RPIA: variants seen among roughly 807,000 people sequenced by gnomAD.
RPIA encodes the protein ribose 5-phosphate isomerase A.
Under a neutral mutation model 37.8 loss-of-function variants are expected in RPIA, and 29 were observed. That is an observed-to-expected ratio of 0.77 (90% CI 0.57 to 1.05). RPIA has a LOEUF of 1.05. RPIA is among the 50% of genes least tolerant of loss of function. The pLI is 0.00. For synonymous variants in RPIA, 167 were observed against 157.0 expected, an observed-to-expected ratio of 1.06 and a Z score of -0.48; for missense variants, 385 against 413.6, an observed-to-expected ratio of 0.93 and a Z score of 0.60.
At chr2:88,743,497 C>CT (rs1558701208) in intron 8 of RPIA, among the ~76,000 whole-genome samples, 1 of 152,116 alleles carries the variant, frequency 6.6e-6, no homozygotes, top group African/African-American at 2.4e-5. Context: ...CTGTAGTTTT[C>CT]TTTTTTTGTT....
intron 3 of RPIA, 76 bp downstream of exon 3, chr2:88,700,140 C>A: frequency 7.2e-7 from 1 of 1,396,568 alleles, no homozygotes; most frequent in Non-Finnish European, 1.0e-6. Flanking sequence ...GGACCTATGG[C>A]CTTGTCTTGT....
In RPIA at chr2:88,700,022, G is replaced by A. The variant is rs1672809248; in HGVS notation, c.360G>A (p.Lys120=). 1 of 1,614,218 alleles carries A rather than the reference G, an allele frequency of 6.2e-7. No homozygotes were observed. Among genetic ancestry groups the A allele is most frequent in the South Asian group, 1.1e-5 (1 of 91,086 alleles). The change falls in exon 3 of 9, where the codon AAG becomes AAA. Residue 120 remains lysine, a synonymous_variant. Coordinates refer to ENST00000283646, the MANE Select transcript of RPIA (RefSeq NM_144563.3). The part of the protein sequence containing the change: ...HAVQRIAERV[K]QENLNLVCIP... The stretch of plus-strand genomic sequence containing the variant: ...TTGTTTCCACAGCTGAAAGGGTGAA[G>A]CAAGAGAATCTGAACCTCGTCTGTA...
intron 3 of RPIA, among the ~76,000 whole-genome samples, chr2:88,723,161 A>C (rs894016511): frequency 3.9e-5 from 6 of 152,202 alleles, no homozygotes; most frequent in African/African-American, 1.4e-4. Flanking sequence ...CAACAATAAA[A>C]ACCCTAACAA....
Position 88,691,962 on chromosome 2 carries a change from G to T in RPIA, c.264G>T (p.Ala88=). ...AGGCCAAGAAGCTGGCGGGCCGCGCGGCTGTGGAGAACCACGTGAGGGTGA... is the reference window on the plus strand; with the variant it reads ...AGGCCAAGAAGCTGGCGGGCCGCGCTGCTGTGGAGAACCACGTGAGGGTGA... ...AEEAKKLAGR[A]AVENHVRNNQ... is the part of the protein sequence containing the mutation. The change falls in exon 1 of 9, where the codon GCG becomes GCT. Residue 88 remains alanine, a synonymous_variant. Transcript: ENST00000283646. The T allele has an allele frequency of 1.3e-6, 2 of 1,591,306 alleles. No homozygotes were observed. The highest frequency in any genetic ancestry group is 8.5e-7 in the Non-Finnish European group (1 of 1,170,098).
intron 2 of RPIA, 61 bp from the exon 3 acceptor site, chr2:88,699,948 A>G (rs1020006877): frequency 4.5e-6 from 7 of 1,558,304 alleles, no homozygotes; most frequent in South Asian, 4.4e-5. Flanking sequence ...GCAAACACAT[A>G]TGACAAGAAG....
At chr2:88,705,998 G>T (rs2104084941) in intron 3 of RPIA, among the ~76,000 whole-genome samples, 1 of 152,242 alleles carries the variant, frequency 6.6e-6, no homozygotes, top group East Asian at 1.9e-4. Flanking sequence ...AATCAAAAGT[G>T]CAATGAGATA....
intron 3 of RPIA, among the ~76,000 whole-genome samples, chr2:88,716,963 A>T (rs1415417128): frequency 6.6e-6 from 1 of 152,214 alleles, no homozygotes; most frequent in African/African-American, 2.4e-5. Flanking sequence ...ATGTAGAGAT[A>T]CGATTGGACA....
At chr2:88,720,272 CA>C (rs1183430510) in intron 3 of RPIA, among the ~76,000 whole-genome samples, 1 of 151,942 alleles carries the variant, frequency 6.6e-6, no homozygotes, top group African/African-American at 2.4e-5. Flanking sequence ...GTAAGCAAAT[CA>C]AAACTTAATG....
intron 3 of RPIA, among the ~76,000 whole-genome samples, chr2:88,721,571 AC>A (rs1156741297): frequency 0.021 from 477 of 22,948 alleles, 6 homozygotes; most frequent in African/African-American, 0.049. Flanking sequence ...ACACACACAC[AC>A]CCCCCCCCCC....
intron 3 of RPIA, among the ~76,000 whole-genome samples, chr2:88,716,570 AATTG>A (rs762156375): frequency 3.3e-5 from 5 of 152,188 alleles, no homozygotes; most frequent in African/African-American, 4.8e-5. Flanking sequence ...TTATGGTGAT[AATTG>A]ATAACAGTGT....
At chr2:88,720,199 T>C (rs1267367118) in intron 3 of RPIA, among the ~76,000 whole-genome samples, 1 of 152,044 alleles carries the variant, frequency 6.6e-6, no homozygotes, top group Non-Finnish European at 1.5e-5. Context: ...CAAAAGCACA[T>C]ACAAAAAGAT....
At chr2:88,699,121 C>A (rs1407147925) in intron 2 of RPIA, among the ~76,000 whole-genome samples, 6 of 152,240 alleles carry the variant, frequency 3.9e-5, no homozygotes, top group Non-Finnish European at 8.8e-5. Context: ...ATGCTGAATT[C>A]TTCTAGGTGC....
At chr2:88,717,072 C>T (rs1400613694) in intron 3 of RPIA, among the ~76,000 whole-genome samples, 1 of 152,162 alleles carries the variant, frequency 6.6e-6, no homozygotes, top group African/African-American at 2.4e-5. Context: ...AGCACTCCCT[C>T]CTTGGTATGG....
At chr2:88,714,913 C>T (rs911522681) in intron 3 of RPIA, among the ~76,000 whole-genome samples, 1 of 152,162 alleles carries the variant, frequency 6.6e-6, no homozygotes. Context: ...ATCCTAAGAC[C>T]AGCGTTTGAC....
In RPIA at chr2:88,744,522, G is replaced by A. The variant is rs1673419505; in HGVS notation, c.839-5459G>A. Among the ~76,000 whole-genome samples, 3 of 152,344 alleles carry A rather than the reference G, an allele frequency of 2.0e-5. No homozygotes were observed. The South Asian group carries it at 6.2e-4, about 32-fold the overall frequency. On this transcript the variant is annotated intron_variant, in intron 8 of 8. Coordinates refer to ENST00000283646, the MANE Select transcript of RPIA (RefSeq NM_144563.3). ...ATCTGTTAAGTCCATTTGCTCCAGA[G>A]TATAGTTTAATTTCATTGTTTCTTT... is the stretch of plus-strand genomic sequence containing the variant.
intron 8 of RPIA, among the ~76,000 whole-genome samples, chr2:88,740,445 C>T (rs1185392733): frequency 2.6e-5 from 4 of 151,892 alleles, no homozygotes; most frequent in African/African-American, 7.3e-5. Flanking sequence ...TTTTTCTTTT[C>T]CTGATTGAGT....
rs1672785119 is a variant in RPIA at position 88,698,346 on chromosome 2, A to G, written c.286-138A>G. ...AGGTTCATTGTTTATGTTCCTATAA[A>G]ATAGGCACAGTACCTGTCTTGTACC... On this transcript the variant is annotated intron_variant, in intron 1 of 8. Coordinates refer to ENST00000283646, the MANE Select transcript of RPIA (RefSeq NM_144563.3). 3 of 777,966 alleles carry G rather than the reference A, an allele frequency of 3.9e-6. No individual in the cohort carries two copies. The Admixed American group carries it at 5.7e-5, about 15-fold the overall frequency. 48.2% of individuals were successfully genotyped at this position (777,966 alleles called of 1,614,324 possible).
intron 3 of RPIA, among the ~76,000 whole-genome samples, chr2:88,720,491 T>C (rs1673106639): frequency 6.6e-6 from 1 of 151,932 alleles, no homozygotes; most frequent in Non-Finnish European, 1.5e-5. Flanking sequence ...TGGAGAACAT[T>C]ATTACTTTGC....
intron 3 of RPIA, among the ~76,000 whole-genome samples, chr2:88,709,282 T>C (rs1178217848): frequency 6.6e-6 from 1 of 152,248 alleles, no homozygotes; most frequent in Non-Finnish European, 1.5e-5. Flanking sequence ...ATGACTCTTC[T>C]GCAAGGAAAT....
Sources: allele counts gnomAD v4.1 joint callset (sites outside exome capture counted in the v4.1 genomes callset), GRCh38; gene constraint gnomAD v4.1.1; transcripts MANE v1.5; gene names NCBI Gene and HGNC (gene_info 2026-07-23, HGNC 2026-07-21).